The following UBL3 variants were observed in gnomAD, a reference collection of about 807,000 sequenced individuals.
UBL3 encodes the protein ubiquitin-like protein 3.
A neutral mutation model predicts 18.4 loss-of-function variants in UBL3; 6 were observed. That is an observed-to-expected ratio of 0.33 (90% CI 0.18 to 0.64). The LOEUF is 0.64. Ranked by LOEUF, UBL3 falls within the 30% of genes least tolerant of loss-of-function variation. The pLI is 0.76. For missense variants in UBL3, 109 were observed against 142.9 expected, an observed-to-expected ratio of 0.76 and a Z score of 1.21; for synonymous variants, 49 against 46.6, an observed-to-expected ratio of 1.05 and a Z score of -0.21.
intron 1 of UBL3, among the ~76,000 whole-genome samples, chr13:29,821,421 C>T (rs1388767910): frequency 6.6e-6 from 1 of 152,098 alleles, no homozygotes; most frequent in South Asian, 2.1e-4. Context: ...TCATAGTAAT[C>T]ACAACTCTTG....
intron 1 of UBL3, among the ~76,000 whole-genome samples, chr13:29,841,595 C>G (rs747951864): frequency 1.7e-4 from 26 of 152,124 alleles, no homozygotes; most frequent in Non-Finnish European, 2.9e-4. Context: ...CATGCTAGCT[C>G]AGACCAATCA....
At chr13:29,780,714 T>C (rs979925232) in intron 1 of UBL3, among the ~76,000 whole-genome samples, 3 of 152,092 alleles carry the variant, frequency 2.0e-5, no homozygotes, top group East Asian at 3.9e-4. Context: ...TTACCTATCC[T>C]ACCTATCCTA....
intron 1 of UBL3, among the ~76,000 whole-genome samples, chr13:29,787,954 G>A (rs1325373280): frequency 6.6e-6 from 1 of 152,194 alleles, no homozygotes; most frequent in African/African-American, 2.4e-5. Flanking sequence ...TCAGGAAGAT[G>A]ACAATTCTAT....
chr13:29,826,935 G>C (rs945646684), intron 1 of UBL3, among the ~76,000 whole-genome samples: 1 of 151,980 alleles, frequency 6.6e-6, no homozygotes, highest in Non-Finnish European at 1.5e-5. Flanking sequence ...CCTTCATTTC[G>C]TTATGTACCC....
chr13:29,818,319 T>A (rs1337090536), intron 1 of UBL3, among the ~76,000 whole-genome samples: 1 of 152,196 alleles, frequency 6.6e-6, no homozygotes, highest in Non-Finnish European at 1.5e-5. Flanking sequence ...AGAAAGTTAA[T>A]ATGTGCAAAG....
chr13:29,797,691 G>C (rs555330312), intron 1 of UBL3, among the ~76,000 whole-genome samples: 1 of 152,256 alleles, frequency 6.6e-6, no homozygotes, highest in East Asian at 1.9e-4. Flanking sequence ...TAAGTTCTAA[G>C]TCTTAAAACT....
At chr13:29,799,597 A>G (rs1343031067) in intron 1 of UBL3, among the ~76,000 whole-genome samples, 1 of 152,230 alleles carries the variant, frequency 6.6e-6, no homozygotes, top group African/African-American at 2.4e-5. Flanking sequence ...AACTTTTTAC[A>G]TGCATATGAG....
chr13:29,810,886 T>G (rs1221242090), intron 1 of UBL3, among the ~76,000 whole-genome samples: 2 of 152,138 alleles, frequency 1.3e-5, no homozygotes, highest in African/African-American at 4.8e-5. Flanking sequence ...TGTGTTCTTT[T>G]GCTCACTGTT....
At chr13:29,835,884 C>G (rs760838409) in intron 1 of UBL3, among the ~76,000 whole-genome samples, 4 of 150,418 alleles carry the variant, frequency 2.7e-5, no homozygotes, top group South Asian at 2.1e-4. Flanking sequence ...TAAAGCATAG[C>G]AAATCAAATG....
intron 1 of UBL3, among the ~76,000 whole-genome samples, chr13:29,828,748 G>T (rs564346529): frequency 6.6e-6 from 1 of 152,170 alleles, no homozygotes; most frequent in African/African-American, 2.4e-5. Context: ...GGAAACAGGC[G>T]CTCTGATTTT....
chr13:29,803,541 T>A (rs1290955541), intron 1 of UBL3, among the ~76,000 whole-genome samples: 1 of 151,650 alleles, frequency 6.6e-6, no homozygotes, highest in African/African-American at 2.4e-5. Flanking sequence ...AAGAGACTCA[T>A]CTTACACGCA....
intron 1 of UBL3, among the ~76,000 whole-genome samples, chr13:29,823,236 G>A (rs929374733): frequency 1.3e-5 from 2 of 152,058 alleles, no homozygotes; most frequent in Admixed American, 6.5e-5. Flanking sequence ...TCCATCTCCC[G>A]GGTTCAAGCG....
At chr13:29,830,945 C>T (rs532055598) in intron 1 of UBL3, among the ~76,000 whole-genome samples, 44 of 152,318 alleles carry the variant, frequency 2.9e-4, no homozygotes, top group African/African-American at 1.0e-3. Context: ...CAATATTCCT[C>T]ACCTCCTTGC....
At chr13:29,830,511 A>C (rs1294632966) in intron 1 of UBL3, among the ~76,000 whole-genome samples, 1 of 152,176 alleles carries the variant, frequency 6.6e-6, no homozygotes, top group Non-Finnish European at 1.5e-5. Context: ...TTTTTTAGTA[A>C]AACTCCTTCT....
intron 4 of UBL3, 24 bp downstream of exon 4, chr13:29,767,594 A>G (rs1199157601): frequency 3.1e-6 from 5 of 1,609,034 alleles, no homozygotes; most frequent in Non-Finnish European, 4.2e-6. Context: ...CTCAACTGAG[A>G]TACTTTTCCA....
intron 1 of UBL3, among the ~76,000 whole-genome samples, chr13:29,833,678 C>T (rs1878843466): frequency 6.6e-6 from 1 of 152,202 alleles, no homozygotes; most frequent in Non-Finnish European, 1.5e-5. Flanking sequence ...CACAGACATA[C>T]TCAGCACTCC....
At chr13:29,781,828 T>TAAAAAAAAAAA (rs11357100) in intron 1 of UBL3, among the ~76,000 whole-genome samples, 2 of 82,710 alleles carry the variant, frequency 2.4e-5, no homozygotes, top group African/African-American at 5.0e-5. Context: ...TACAAAAAAT[T>TAAAAAAAAAAA]AAAAAAAAAA....
chr13:29,785,467 C>G (rs547297012), intron 1 of UBL3, among the ~76,000 whole-genome samples: 5 of 152,116 alleles, frequency 3.3e-5, no homozygotes, highest in African/African-American at 1.2e-4. Context: ...AAAACAGCTA[C>G]TTGATCTAGA....
Position 29,771,029 on chromosome 13 carries a change from G to T in UBL3, c.223+1083C>A, listed in dbSNP as rs534732819. Among the ~76,000 whole-genome samples, 12 of 152,088 alleles carry T rather than the reference G, an allele frequency of 7.9e-5. No homozygotes were observed. The East Asian group carries it at 2.3e-3, about 29-fold the overall frequency. On this transcript the variant is annotated intron_variant, in intron 3 of 4. Coordinates refer to ENST00000380680, the MANE Select transcript of UBL3 (RefSeq NM_007106.4). ...CTTATTGCCCAGGATTTTTACCAGT[G>T]CATTTTATCTGTTTGTCCTATGTAA...
Sources: gnomAD v4.1 joint callset for allele counts (sites outside exome capture counted in the v4.1 genomes callset) on GRCh38, gnomAD v4.1.1 for gene constraint, MANE v1.5 for transcripts, NCBI Gene and HGNC (gene_info 2026-07-23, HGNC 2026-07-21) for gene names.